CMSS1: variants seen among roughly 807,000 people sequenced by gnomAD.
The protein encoded by CMSS1 is cms1 ribosomal small subunit homolog, also known as protein CMSS1.
Under a neutral mutation model 43.5 loss-of-function variants are expected in CMSS1, and 33 were observed. That is an observed-to-expected ratio of 0.76 (90% CI 0.57 to 1.01). The LOEUF (loss-of-function observed/expected upper bound fraction) is 1.01, where lower values mean the gene tolerates loss of function less well. CMSS1 is among the 50% of genes least tolerant of loss of function. The probability of loss-of-function intolerance (pLI) is 0.00; values close to 1 mark genes in which losing one functional copy is unlikely to be tolerated. For synonymous variants in CMSS1, 115 were observed against 117.2 expected (o/e 0.98, Z 0.12); for missense variants, 313 against 326.4 (o/e 0.96, Z 0.32).
intron 4 of CMSS1, among the ~76,000 whole-genome samples, chr3:100,164,109 T>C (rs555610595): frequency 6.6e-6 from 1 of 152,344 alleles, no homozygotes; most frequent in East Asian, 1.9e-4. Flanking sequence ...CTTTTAGACT[T>C]ACTAAGCCCA....
At chr3:100,130,666 T>A (rs2066699167) in intron 1 of CMSS1, among the ~76,000 whole-genome samples, 1 of 152,194 alleles carries the variant, frequency 6.6e-6, no homozygotes, top group South Asian at 2.1e-4. Flanking sequence ...TTGTATGGCT[T>A]GTTTTGTTGT....
intron 1 of CMSS1, among the ~76,000 whole-genome samples, chr3:100,106,866 T>A (rs1306374096): frequency 6.6e-6 from 1 of 152,152 alleles, no homozygotes; most frequent in Non-Finnish European, 1.5e-5. Context: ...TGTTGCTTTT[T>A]AAAAATATGC....
chr3:100,056,489 T>C (rs2065465200), intron 1 of CMSS1, among the ~76,000 whole-genome samples: 1 of 152,242 alleles, frequency 6.6e-6, no homozygotes, highest in African/African-American at 2.4e-5. Context: ...AACAAAAGTT[T>C]ATAATCTGCT....
chr3:99,858,018 C>A (rs923025480), intron 1 of CMSS1, among the ~76,000 whole-genome samples: 3 of 152,158 alleles, frequency 2.0e-5, no homozygotes, highest in Admixed American at 6.5e-5. Context: ...AGTTCCAGCA[C>A]AATTCAGTAA....
intron 1 of CMSS1, among the ~76,000 whole-genome samples, chr3:99,825,303 A>G (rs921674244): frequency 4.1e-4 from 62 of 152,226 alleles, no homozygotes; most frequent in African/African-American, 1.5e-3. Flanking sequence ...TACAGGATTT[A>G]CACATTGATG....
rs373928127 is a variant in CMSS1 at position 100,171,827 on chromosome 3, T to C, written c.519-12T>C. 1.5e-5 allele frequency: 24 copies of C among 1,613,126 alleles called. No individual in the cohort carries two copies. The highest frequency in any genetic ancestry group is 2.0e-5 in the Non-Finnish European group (23 of 1,179,254). ...TGGTTTTCTTAAGCATTCACCTGCT[T>C]CTTTTCATTAGGTCGATGACAGCAT... On this transcript the variant is annotated splice_polypyrimidine_tract_variant and intron_variant, in intron 6 of 9. Coordinates refer to ENST00000421999, the MANE Select transcript of CMSS1 (RefSeq NM_032359.4).
chr3:100,139,272 AACAAACCTGC>A (rs1331344601), intron 1 of CMSS1, among the ~76,000 whole-genome samples: 1 of 152,116 alleles, frequency 6.6e-6, no homozygotes, highest in African/African-American at 2.4e-5. Context: ...ATACCTATGT[AACAAACCTGC>A]ACGTTCTGCA....
intron 1 of CMSS1, among the ~76,000 whole-genome samples, chr3:99,952,093 G>C (rs1468826532): frequency 2.0e-5 from 3 of 151,918 alleles, no homozygotes; most frequent in African/African-American, 7.3e-5. Flanking sequence ...CTGTTAAAGA[G>C]AATATATAGA....
intron 1 of CMSS1, among the ~76,000 whole-genome samples, chr3:100,143,816 C>G (rs2066824301): frequency 6.6e-6 from 1 of 151,924 alleles, no homozygotes; most frequent in South Asian, 2.1e-4. Context: ...TATAATGTCT[C>G]TCTCATTCTC....
chr3:99,822,802 C>T (rs1942464023), intron 1 of CMSS1, among the ~76,000 whole-genome samples: 3 of 152,110 alleles, frequency 2.0e-5, no homozygotes, highest in African/African-American at 7.2e-5. Context: ...TAACTACCTG[C>T]CAGATGCTGT....
In CMSS1 at chr3:99,842,720, G is replaced by A. The variant is rs930782105; in HGVS notation, c.64+24677G>A. On this transcript the variant is annotated intron_variant, in intron 1 of 9. Transcript: ENST00000421999. ...CCACAAATAAAAGTGATTATCCCTG[G>A]AATGGCTGACTGCAATGCCAAAGGT... Among the ~76,000 whole-genome samples the A allele has an allele frequency of 3.9e-5, 6 of 152,294 alleles. No individual in the cohort carries two copies. The South Asian group carries it at 1.2e-3, about 32-fold the overall frequency.
intron 1 of CMSS1, among the ~76,000 whole-genome samples, chr3:100,111,238 T>A (rs1017571354): frequency 1.3e-5 from 2 of 152,128 alleles, no homozygotes; most frequent in African/African-American, 4.8e-5. Context: ...AGTGAAACTT[T>A]CCTCTACCTG....
intron 1 of CMSS1, among the ~76,000 whole-genome samples, chr3:99,950,172 T>C (rs1049918948): frequency 1.3e-5 from 2 of 152,190 alleles, no homozygotes; most frequent in Non-Finnish European, 2.9e-5. Flanking sequence ...TAGATAGGAC[T>C]TTTTTCTTAT....
At chr3:100,015,745 C>T (rs9827744) in intron 1 of CMSS1, among the ~76,000 whole-genome samples, 121,600 of 152,114 alleles carry the variant, frequency 0.8, 48,785 homozygotes, top group East Asian at 0.88. Context: ...TCCTTGAAGT[C>T]AGGGACTTGT....
intron 1 of CMSS1, among the ~76,000 whole-genome samples, chr3:100,050,641 C>T (rs2065355546): frequency 6.6e-6 from 1 of 152,170 alleles, no homozygotes; most frequent in South Asian, 2.1e-4. Flanking sequence ...AAGCGATTCT[C>T]CTGCCTCAGC....
intron 1 of CMSS1, among the ~76,000 whole-genome samples, chr3:100,065,101 A>G (rs963617425): frequency 2.0e-5 from 3 of 152,186 alleles, no homozygotes; most frequent in African/African-American, 7.2e-5. Context: ...CTGAATTATA[A>G]GACAGTATGG....
In CMSS1 at chr3:100,167,895, G is replaced by A. The variant is rs374071823; in HGVS notation, c.518+55G>A. On this transcript the variant is annotated intron_variant, in intron 6 of 9. Coordinates refer to ENST00000421999, the MANE Select transcript of CMSS1 (RefSeq NM_032359.4). ...AATGTTTTCTGAATAACTGATATAT[G>A]CCAAGCTATTATGTTCTATGTGCTG... 3.0e-5 allele frequency: 37 copies of A among 1,217,778 alleles called. No homozygotes were observed. In the African/African-American group the frequency reaches 4.2e-4, roughly 14 times the overall value. The allele number at this position is 1,217,778 out of a possible 1,614,324, so 75.4% of individuals were successfully genotyped here. A position where few individuals can be genotyped will look rare whatever the true frequency, so the allele number is the denominator to read the frequency against.
intron 1 of CMSS1, among the ~76,000 whole-genome samples, chr3:99,937,158 G>A (rs953575531): frequency 3.3e-5 from 5 of 151,738 alleles, no homozygotes; most frequent in Non-Finnish European, 5.9e-5. Context: ...GGCTGGTCTC[G>A]AACTCCTGAC....
intron 1 of CMSS1, among the ~76,000 whole-genome samples, chr3:99,822,622 C>G (rs947936744): frequency 1.3e-5 from 2 of 152,192 alleles, no homozygotes; most frequent in Non-Finnish European, 2.9e-5. Context: ...ATCCCAGCTA[C>G]TCAGGAGACT....
Sources: allele counts gnomAD v4.1 joint callset (sites outside exome capture counted in the v4.1 genomes callset), GRCh38; gene constraint gnomAD v4.1.1; transcripts MANE v1.5; gene names NCBI Gene and HGNC (gene_info 2026-07-23, HGNC 2026-07-21).